Variants in ANKRD62 observed in about 807,000 individuals in gnomAD.
ANKRD62 encodes the protein ankyrin repeat domain 62, also known as ankyrin repeat domain-containing protein 62.
ANKRD62 carries 61 observed loss-of-function variants against 98.8 expected under a neutral mutation model. That is an observed-to-expected ratio of 0.62 (90% CI 0.50 to 0.76). ANKRD62 has a LOEUF of 0.76. ANKRD62 is among the 30% of genes least tolerant of loss of function. The pLI is 0.00. For synonymous variants in ANKRD62, 341 were observed against 367.9 expected (o/e 0.93, Z 0.84); for missense variants, 933 against 1,082.9 (o/e 0.86, Z 1.94).
the ANKRD62 span, among the ~76,000 whole-genome samples, chr18:12,135,403 T>C: frequency 6.6e-6 from 1 of 151,426 alleles, no homozygotes; most frequent in Admixed American, 6.6e-5. Context: ...TAGTATTCCA[T>C]GGTGTATATA....
In ANKRD62 at chr18:12,107,830, T is replaced by C. The variant is rs577024424; in HGVS notation, c.1064+363T>C. 2.0e-5 allele frequency among the ~76,000 whole-genome samples: 3 copies of C among 152,302 alleles called. No individual in the cohort carries two copies. In the East Asian group the frequency reaches 5.8e-4, roughly 29 times the overall value. ...TGGGACTAGATTCTACAGGAAAATATGAGTTTACACATACACACAAGCAGT... is the reference window on the plus strand; with the variant it reads ...TGGGACTAGATTCTACAGGAAAATACGAGTTTACACATACACACAAGCAGT... On this transcript the variant is annotated intron_variant, in intron 8 of 13. Transcript: ENST00000587848.
At chr18:12,097,982 C>G (rs1370252398) in intron 5 of ANKRD62, among the ~76,000 whole-genome samples, 5 of 152,158 alleles carry the variant, frequency 3.3e-5, no homozygotes, top group Non-Finnish European at 1.5e-5. Flanking sequence ...TAACTCAAGT[C>G]TCTTAAGACT....
the ANKRD62 span, among the ~76,000 whole-genome samples, chr18:12,169,741 C>T: frequency 2.6e-5 from 4 of 152,084 alleles, no homozygotes; most frequent in Non-Finnish European, 4.4e-5. Context: ...TGGTAGAATT[C>T]GGCTGTGAAT....
At chr18:12,131,826 C>A (rs1301339593), downstream of ANKRD62, among the ~76,000 whole-genome samples, 1 of 151,948 alleles carries the variant, frequency 6.6e-6, no homozygotes, top group East Asian at 1.9e-4. Context: ...ATCTTTATGC[C>A]AAAATCACAC....
the ANKRD62 span, among the ~76,000 whole-genome samples, chr18:12,145,363 TTTCTCC>T: frequency 1.3e-5 from 2 of 152,322 alleles, no homozygotes; most frequent in South Asian, 4.1e-4. Context: ...TGTCAGCCCA[TTTCTCC>T]TTCTGGTATG....
the ANKRD62 span, among the ~76,000 whole-genome samples, chr18:12,181,372 T>C: frequency 1.3e-5 from 2 of 152,188 alleles, no homozygotes; most frequent in Non-Finnish European, 2.9e-5. Flanking sequence ...GGAATAACAT[T>C]CACCATATAT....
At chr18:12,102,366 G>T in intron 6 of ANKRD62, 1 of 614,458 alleles carries the variant, frequency 1.6e-6, no homozygotes, top group Non-Finnish European at 3.1e-6. Context: ...GGTCGGTTCT[G>T]AAGTAATGCT....
chr18:12,164,720 T>C, the ANKRD62 span, among the ~76,000 whole-genome samples: 1 of 151,992 alleles, frequency 6.6e-6, no homozygotes, highest in Non-Finnish European at 1.5e-5. Flanking sequence ...TTCAGTTTCC[T>C]TCTTAATTTC....
chr18:12,152,746 TA>T, the ANKRD62 span, among the ~76,000 whole-genome samples: 100 of 152,076 alleles, frequency 6.6e-4, 1 homozygote, highest in African/African-American at 2.2e-3. Context: ...ATCAAACAAA[TA>T]AATAAAGGGC....
downstream of ANKRD62, among the ~76,000 whole-genome samples, chr18:12,134,166 G>A (rs1910044888): frequency 6.6e-6 from 1 of 152,150 alleles, no homozygotes; most frequent in Admixed American, 6.5e-5. Context: ...TGGCTCATAT[G>A]CCTTGAAAGG....
Position 12,099,662 on chromosome 18 carries a change from G to A in ANKRD62, c.800G>A (p.Ser267Asn). Residue 267 changes from serine (S) to asparagine (N), a missense_variant, in exon 6 of 14, where the codon AGT becomes AAT. By Grantham distance (46) the Ser-to-Asn change is conservative. This residue lies in a region of ANKRD62 where 549 missense variants were observed against 587.9 expected (regional missense o/e 0.93). Transcript: ENST00000587848. The stretch of plus-strand genomic sequence containing the variant: ...TATAAAGCAAACAAGAGATGTAAAA[G>A]TCTTCAAAATAGCAATTCAGGTATG... ...SEYKANKRCK[S>N]LQNSNSEQDL... 2 of 1,487,034 alleles carry A rather than the reference G, an allele frequency of 1.3e-6. No homozygotes were observed. The highest frequency in any genetic ancestry group is 1.3e-5 in the South Asian group (1 of 74,860). 92.1% of individuals were successfully genotyped at this position (1,487,034 alleles called of 1,614,324 possible).
At chr18:12,095,142 T>C in intron 1 of ANKRD62, 29 bp from the exon 2 acceptor site, 1 of 1,504,354 alleles carries the variant, frequency 6.6e-7, no homozygotes. Context: ...TGCACTACAA[T>C]TGCCTAAAGC....
chr18:12,161,704 C>G, the ANKRD62 span, among the ~76,000 whole-genome samples: 3 of 152,084 alleles, frequency 2.0e-5, no homozygotes, highest in African/African-American at 7.2e-5. Flanking sequence ...CTCTGGCAAC[C>G]ATCCTTCTAC....
chr18:12,132,675 A>AT (rs1429402540), downstream of ANKRD62, among the ~76,000 whole-genome samples: 1 of 151,974 alleles, frequency 6.6e-6, no homozygotes, highest in Non-Finnish European at 1.5e-5. Context: ...TGCTGAGGTT[A>AT]TTTTTTTAAT....
chr18:12,126,441 A>G, intron 13 of ANKRD62, 58 bp downstream of exon 13: 4 of 1,320,696 alleles, frequency 3.0e-6, no homozygotes, highest in Non-Finnish European at 3.1e-6. Flanking sequence ...TTTAAAGTAT[A>G]TTTGGTTATG....
At chr18:12,102,080 G>A in intron 6 of ANKRD62, 1 of 1,368,862 alleles carries the variant, frequency 7.3e-7, no homozygotes, top group South Asian at 1.2e-5. Context: ...AAAGCTGAAA[G>A]TGCCAGAAGC....
At chr18:12,119,691 C>A (rs1909744383) in intron 10 of ANKRD62, among the ~76,000 whole-genome samples, 1 of 152,110 alleles carries the variant, frequency 6.6e-6, no homozygotes, top group African/African-American at 2.4e-5. Context: ...ATTCAGACCA[C>A]AGCAGGTGGT....
chr18:12,140,975 G>A, the ANKRD62 span, among the ~76,000 whole-genome samples: 3 of 152,346 alleles, frequency 2.0e-5, no homozygotes, highest in East Asian at 3.9e-4. Context: ...AGGCAGGCAG[G>A]CCTCCTTGAA....
At chr18:12,153,050 AT>A in the ANKRD62 span, among the ~76,000 whole-genome samples, 3 of 152,228 alleles carry the variant, frequency 2.0e-5, no homozygotes, top group Non-Finnish European at 2.9e-5. Context: ...ATTCAATCCC[AT>A]TCACAATGCC....
Sources: allele counts gnomAD v4.1 joint callset (sites outside exome capture counted in the v4.1 genomes callset), GRCh38; gene constraint gnomAD v4.1.1; regional missense constraint gnomAD v4.1.1; transcripts MANE v1.5; gene names NCBI Gene and HGNC (gene_info 2026-07-23, HGNC 2026-07-21).